Variants in TBCCD1 observed in about 807,000 individuals in gnomAD.
The protein encoded by TBCCD1 is TBCC domain-containing protein 1.
Under a neutral mutation model 53.4 loss-of-function variants are expected in TBCCD1, and 26 were observed. The ratio of observed to expected loss-of-function variants is 0.49; its 90% confidence interval spans 0.36 to 0.68. The LOEUF (loss-of-function observed/expected upper bound fraction) is 0.68. TBCCD1 is among the 30% of genes least tolerant of loss of function. The pLI, the probability that TBCCD1 is intolerant of heterozygous loss-of-function variation, is 0.00. For synonymous variants in TBCCD1, 245 were observed against 241.7 expected, an observed-to-expected ratio of 1.01 and a Z score of -0.13; for missense variants, 558 against 669.5, an observed-to-expected ratio of 0.83 and a Z score of 1.84.
intron 7 of TBCCD1, among the ~76,000 whole-genome samples, chr3:186,547,936 A>G (rs974334682): frequency 1.1e-4 from 17 of 152,380 alleles, no homozygotes; most frequent in African/African-American, 4.1e-4. Flanking sequence ...GTAAATATTT[A>G]AAGCAAAAAA....
At chr3:186,547,293 T>C (rs1714242173) in intron 7 of TBCCD1, among the ~76,000 whole-genome samples, 1 of 152,016 alleles carries the variant, frequency 6.6e-6, no homozygotes, top group African/African-American at 2.4e-5. Context: ...GGTCTCGCTC[T>C]GTTGCCCAGG....
chr3:186,551,652 A>G (rs943299147), intron 6 of TBCCD1, among the ~76,000 whole-genome samples: 23 of 152,176 alleles, frequency 1.5e-4, no homozygotes, highest in African/African-American at 5.5e-4. Context: ...CCTGAAGACT[A>G]TATATTCTAG....
chr3:186,568,386 G>C (rs1360516254), upstream of TBCCD1, among the ~76,000 whole-genome samples: 1 of 152,128 alleles, frequency 6.6e-6, no homozygotes, highest in African/African-American at 2.4e-5. Flanking sequence ...GGTCAGGGAA[G>C]GCCACTTTGT....
intron 1 of TBCCD1, among the ~76,000 whole-genome samples, chr3:186,566,327 C>A (rs1678750903): frequency 6.6e-6 from 1 of 152,306 alleles, no homozygotes; most frequent in South Asian, 2.1e-4. Flanking sequence ...AGGCGTGACC[C>A]ACCGCACCCG....
intron 1 of TBCCD1, 132 bp from the exon 2 acceptor site, chr3:186,564,504 C>T: frequency 1.7e-6 from 1 of 584,702 alleles, no homozygotes; most frequent in South Asian, 2.7e-5. Context: ...AGCTCTAGTT[C>T]ACCAACCAAG....
intron 2 of TBCCD1, among the ~76,000 whole-genome samples, chr3:186,562,686 G>T (rs1714721050): frequency 6.7e-6 from 1 of 149,968 alleles, no homozygotes; most frequent in African/African-American, 2.5e-5. Flanking sequence ...TATGTTAAGT[G>T]TTCTTAACAG....
chr3:186,556,341 A>G, intron 4 of TBCCD1, 68 bp downstream of exon 4: 1 of 1,534,432 alleles, frequency 6.5e-7, no homozygotes. Context: ...GATCACTAAT[A>G]TATTAGAAAA....
intron 1 of TBCCD1, among the ~76,000 whole-genome samples, chr3:186,564,722 C>T (rs1714779351): frequency 6.6e-6 from 1 of 152,170 alleles, no homozygotes; most frequent in South Asian, 2.1e-4. Context: ...TGAGGGGGAA[C>T]ACTGTTCAAA....
At chr3:186,568,031 G>A (rs1714889398), upstream of TBCCD1, among the ~76,000 whole-genome samples, 1 of 152,142 alleles carries the variant, frequency 6.6e-6, no homozygotes, top group Admixed American at 6.5e-5. Flanking sequence ...CTCTCTAGGT[G>A]TGATAGATAC....
chr3:186,549,743 T>A (rs576308084), intron 7 of TBCCD1, among the ~76,000 whole-genome samples: 3 of 152,252 alleles, frequency 2.0e-5, no homozygotes, highest in Non-Finnish European at 4.4e-5. Context: ...AGAGGTTACA[T>A]ATACACTTTC....
upstream of TBCCD1, among the ~76,000 whole-genome samples, chr3:186,568,713 C>A (rs543827907): frequency 6.6e-6 from 1 of 152,054 alleles, no homozygotes; most frequent in Admixed American, 6.5e-5. Flanking sequence ...CCAGCCTGGC[C>A]AACATGGTTA....
At chr3:186,555,727 T>G (rs554078525) in intron 4 of TBCCD1, among the ~76,000 whole-genome samples, 5 of 152,124 alleles carry the variant, frequency 3.3e-5, no homozygotes, top group Admixed American at 2.0e-4. Context: ...CCTGGCTAAT[T>G]TTTGTATTTT....
At chr3:186,552,204 G>C (rs1188103997) in intron 6 of TBCCD1, among the ~76,000 whole-genome samples, 2 of 152,040 alleles carry the variant, frequency 1.3e-5, no homozygotes, top group African/African-American at 2.4e-5. Flanking sequence ...GAATATACCA[G>C]GCAGAAGAGA....
chr3:186,563,281 C>T (rs770865702), intron 2 of TBCCD1, among the ~76,000 whole-genome samples: 5 of 152,246 alleles, frequency 3.3e-5, no homozygotes, highest in Non-Finnish European at 7.3e-5. Context: ...GATTAATATA[C>T]TTTCTCTGTG....
chr3:186,565,634 G>A (rs529943790), intron 1 of TBCCD1, among the ~76,000 whole-genome samples: 3 of 152,264 alleles, frequency 2.0e-5, no homozygotes, highest in African/African-American at 7.2e-5. Context: ...GTGGGGTAAT[G>A]GGTACGTGGG....
At chr3:186,570,472 A>G (rs1424432435), upstream of TBCCD1, 1 of 479,522 alleles carries the variant, frequency 2.1e-6, no homozygotes, top group Non-Finnish European at 3.6e-6. Context: ...GCCCCCTATC[A>G]TTACGTAATT....
At chr3:186,559,846 C>T (rs1371273175) in intron 2 of TBCCD1, among the ~76,000 whole-genome samples, 1 of 152,192 alleles carries the variant, frequency 6.6e-6, no homozygotes, top group Admixed American at 6.5e-5. Context: ...GATATTGACA[C>T]CGATACAGTC....
At chr3:186,565,361 C>T (rs1179871464) in intron 1 of TBCCD1, among the ~76,000 whole-genome samples, 1 of 152,130 alleles carries the variant, frequency 6.6e-6, no homozygotes, top group Non-Finnish European at 1.5e-5. Context: ...TCCCTCGCCT[C>T]AGCTTCCCAA....
intron 7 of TBCCD1, among the ~76,000 whole-genome samples, chr3:186,548,612 ACT>A (rs1376846864): frequency 1.3e-5 from 2 of 152,168 alleles, no homozygotes; most frequent in East Asian, 1.9e-4. Context: ...AAAGACAAAC[ACT>A]GTTTATAATT....
Sources: allele counts gnomAD v4.1 joint callset (sites outside exome capture counted in the v4.1 genomes callset), GRCh38; gene constraint gnomAD v4.1.1; transcripts MANE v1.5; gene names NCBI Gene and HGNC (gene_info 2026-07-23, HGNC 2026-07-21).